ARID1B: variants seen among roughly 807,000 people sequenced by gnomAD.
The protein encoded by ARID1B is AT-rich interactive domain-containing protein 1B.
In ARID1B, 30 loss-of-function variants were observed where a neutral mutation model predicts 212.3. That is an observed-to-expected ratio of 0.14 (90% confidence interval 0.11 to 0.19). The LOEUF is 0.19. Ranked by LOEUF, ARID1B falls within the 10% of genes least tolerant of loss-of-function variation. The pLI, the probability that ARID1B is intolerant of heterozygous loss-of-function variation, is 1.00. For missense variants in ARID1B, 2,891 were observed against 3,204.0 expected (o/e 0.90, Z 2.36); for synonymous variants, 1,402 against 1,301.7 (o/e 1.08, Z -1.66).
At chr6:157,001,373 G>T (rs772260104) in intron 4 of ARID1B, among the ~76,000 whole-genome samples, 4 of 152,168 alleles carry the variant, frequency 2.6e-5, no homozygotes, top group Non-Finnish European at 5.9e-5. Context: ...AGTCTACCTG[G>T]ATAAATATGA....
intron 8 of ARID1B, among the ~76,000 whole-genome samples, chr6:157,154,728 G>C (rs1790462528): frequency 1.3e-5 from 2 of 151,826 alleles, no homozygotes; most frequent in Admixed American, 1.3e-4. Context: ...ACAGGCACCT[G>C]CCACCATGCC....
chr6:156,929,359 T>C (rs1035876433), intron 3 of ARID1B, among the ~76,000 whole-genome samples: 1 of 152,160 alleles, frequency 6.6e-6, no homozygotes, highest in Non-Finnish European at 1.5e-5. Flanking sequence ...AGGTCAATAA[T>C]ATGCCAAATG....
intron 4 of ARID1B, among the ~76,000 whole-genome samples, chr6:156,963,771 C>A (rs1008486522): frequency 5.9e-5 from 9 of 152,264 alleles, no homozygotes; most frequent in South Asian, 4.1e-4. Flanking sequence ...ATTTGAAATT[C>A]TTCTTGTTTA....
chr6:157,176,646 G>A (rs940159628), intron 11 of ARID1B, among the ~76,000 whole-genome samples: 1 of 152,234 alleles, frequency 6.6e-6, no homozygotes, highest in Non-Finnish European at 1.5e-5. Context: ...AGGAGTTCAA[G>A]ACCAGCCTGG....
rs149886502 is a variant in ARID1B, at chr6:156,844,673, G to T, written c.1986+15252G>T. 1.5e-3 allele frequency among the ~76,000 whole-genome samples: 223 copies of T among 152,274 alleles called. 2 individuals are homozygous for T. Among genetic ancestry groups the T allele is most frequent in the African/African-American group, 4.7e-3 (195 of 41,554 alleles). ...ATGATAGGGAAATAAGTAAAGAAGT[G>T]AAGTTTTGAATAAAAACTGACTGCC... On this transcript the variant is annotated intron_variant, in intron 2 of 19. Coordinates refer to ENST00000636930, the MANE Select transcript of ARID1B (RefSeq NM_001374828.1).
At chr6:157,122,044 G>A (rs1787759745) in intron 6 of ARID1B, among the ~76,000 whole-genome samples, 1 of 152,114 alleles carries the variant, frequency 6.6e-6, no homozygotes, top group African/African-American at 2.4e-5. Flanking sequence ...AATAACACAG[G>A]GACATGTTTT....
chr6:156,894,430 T>C (rs909008066), intron 2 of ARID1B, among the ~76,000 whole-genome samples: 3 of 152,218 alleles, frequency 2.0e-5, no homozygotes, highest in Non-Finnish European at 2.9e-5. Context: ...AATGTACTTA[T>C]GCATCATTGA....
At chr6:157,097,707 A>G (rs966741008) in intron 5 of ARID1B, among the ~76,000 whole-genome samples, 2 of 152,230 alleles carry the variant, frequency 1.3e-5, no homozygotes, top group African/African-American at 4.8e-5. Flanking sequence ...CCGGCAGCAC[A>G]GAGCAGCGAT....
At chr6:157,132,669 C>T (rs1388512428) in intron 6 of ARID1B, among the ~76,000 whole-genome samples, 1 of 152,198 alleles carries the variant, frequency 6.6e-6, no homozygotes. Flanking sequence ...GCCAGCCTTT[C>T]AGGGGCAGAG....
intron 4 of ARID1B, among the ~76,000 whole-genome samples, chr6:156,969,204 C>G (rs1776748328): frequency 6.6e-6 from 1 of 152,218 alleles, no homozygotes. Context: ...TGAGTAAAGA[C>G]ATATCTTGCT....
intron 11 of ARID1B, 83 bp downstream of exon 11, chr6:157,175,088 G>A (rs1379700817): frequency 8.9e-7 from 1 of 1,121,954 alleles, no homozygotes; most frequent in Non-Finnish European, 1.2e-6. Context: ...CTACTTGAAT[G>A]CTTGCTTGTT....
At chr6:157,103,673 A>T (rs1466000497) in intron 5 of ARID1B, among the ~76,000 whole-genome samples, 1 of 152,148 alleles carries the variant, frequency 6.6e-6, no homozygotes, top group Non-Finnish European at 1.5e-5. Context: ...TTTAGTTCTT[A>T]AAAGCTATTT....
At chr6:156,813,115 T>C (rs560503561) in intron 1 of ARID1B, among the ~76,000 whole-genome samples, 6 of 148,814 alleles carry the variant, frequency 4.0e-5, no homozygotes, top group Admixed American at 4.0e-4. Flanking sequence ...TATATTTTTT[T>C]TTTTTTTGAG....
chr6:157,120,787 C>G (rs1787655460), intron 6 of ARID1B, among the ~76,000 whole-genome samples: 1 of 152,206 alleles, frequency 6.6e-6, no homozygotes, highest in South Asian at 2.1e-4. Context: ...GAAAAACGTG[C>G]TTGCTTTTCG....
At chr6:157,096,750 G>T (rs573219735) in intron 5 of ARID1B, among the ~76,000 whole-genome samples, 4 of 152,208 alleles carry the variant, frequency 2.6e-5, no homozygotes, top group Admixed American at 6.5e-5. Context: ...TTCTAGCCTC[G>T]TGCTGGAGAG....
At chr6:156,912,703 T>C (rs1261124509) in intron 3 of ARID1B, among the ~76,000 whole-genome samples, 1 of 152,208 alleles carries the variant, frequency 6.6e-6, no homozygotes, top group Non-Finnish European at 1.5e-5. Flanking sequence ...TGTGTCTGCA[T>C]ATCATGTCTG....
At position 156,901,531 on chromosome 6, in the gene ARID1B, C is replaced by G. The variant is rs1396093045; in HGVS notation, c.2136+6C>G. 5.6e-6 allele frequency: 9 copies of G among 1,612,670 alleles called. No homozygotes were observed. The highest frequency in any genetic ancestry group is 7.6e-6 in the Non-Finnish European group (9 of 1,179,654). On this transcript the variant is annotated splice_donor_region_variant and intron_variant, in intron 3 of 19. Transcript: ENST00000636930. ...AGAGGTACCAGCCGCAGCAGGTGAGCACAGTGCACTGCCCCGCAGGGCCCT... is the reference window on the plus strand; with the variant it reads ...AGAGGTACCAGCCGCAGCAGGTGAGGACAGTGCACTGCCCCGCAGGGCCCT...
chr6:157,161,872 C>T (rs1422982993), intron 8 of ARID1B, among the ~76,000 whole-genome samples: 4 of 152,134 alleles, frequency 2.6e-5, no homozygotes, highest in Admixed American at 6.5e-5. Flanking sequence ...AGTGACAGTC[C>T]GTATAGAGAA....
intron 2 of ARID1B, among the ~76,000 whole-genome samples, chr6:156,832,828 T>C (rs1014724842): frequency 1.3e-5 from 2 of 152,200 alleles, no homozygotes; most frequent in Non-Finnish European, 2.9e-5. Flanking sequence ...GATCTTTGAT[T>C]TGTATGGTGA....
Sources: allele counts gnomAD v4.1 joint callset (sites outside exome capture counted in the v4.1 genomes callset), GRCh38; gene constraint gnomAD v4.1.1; transcripts MANE v1.5; gene names NCBI Gene and HGNC (gene_info 2026-07-23, HGNC 2026-07-21).